TYW1B: variants seen among roughly 807,000 people sequenced by gnomAD.
TYW1B encodes the protein S-adenosyl-L-methionine-dependent tRNA 4-demethylwyosine synthase TYW1B.
In TYW1B, 73 loss-of-function variants were observed where a neutral mutation model predicts 86.9. The ratio of observed to expected loss-of-function variants is 0.84; its 90% CI spans 0.70 to 1.02. The LOEUF (loss-of-function observed/expected upper bound fraction) is 1.02, where lower values mean the gene tolerates loss of function less well. TYW1B is among the 50% of genes least tolerant of loss of function. TYW1B has a pLI of 0.00. For synonymous variants in TYW1B, 248 were observed against 292.8 expected (o/e 0.85, Z 1.56); for missense variants, 637 against 827.4 (o/e 0.77, Z 2.82).
intron 3 of TYW1B, among the ~76,000 whole-genome samples, chr7:72,813,091 A>T (rs1445710958): frequency 1.3e-5 from 2 of 151,618 alleles, no homozygotes; most frequent in African/African-American, 4.8e-5. Flanking sequence ...AAAACTGAGT[A>T]GCTGCCCAGC....
At chr7:72,590,561 A>G (rs1462036394) in intron 13 of TYW1B, among the ~76,000 whole-genome samples, 6 of 152,212 alleles carry the variant, frequency 3.9e-5, no homozygotes, top group Non-Finnish European at 7.3e-5. Flanking sequence ...TAGGGAAATT[A>G]TAGTTACCAT....
chr7:72,627,394 G>A (rs1195048799), intron 12 of TYW1B, among the ~76,000 whole-genome samples: 3 of 151,912 alleles, frequency 2.0e-5, no homozygotes, highest in Non-Finnish European at 4.4e-5. Flanking sequence ...GTTTCAGTGA[G>A]CCGAGATCAC....
At chr7:72,592,976 T>C (rs535389210) in intron 13 of TYW1B, among the ~76,000 whole-genome samples, 2 of 152,296 alleles carry the variant, frequency 1.3e-5, no homozygotes, top group African/African-American at 2.4e-5. Context: ...TTCTTTTTCA[T>C]AGATACAACA....
At chr7:72,706,949 T>C (rs1162010394) in intron 10 of TYW1B, among the ~76,000 whole-genome samples, 5 of 152,166 alleles carry the variant, frequency 3.3e-5, no homozygotes, top group African/African-American at 7.2e-5. Flanking sequence ...AGAAAATGGA[T>C]TGCATATCAT....
intron 8 of TYW1B, among the ~76,000 whole-genome samples, chr7:72,733,347 A>G (rs537393563): frequency 6.6e-6 from 1 of 152,354 alleles, no homozygotes; most frequent in African/African-American, 2.4e-5. Context: ...GCATGCCAAT[A>G]TCCCCGATGA....
intron 11 of TYW1B, among the ~76,000 whole-genome samples, chr7:72,682,071 T>C (rs1188754173): frequency 6.6e-6 from 1 of 151,712 alleles, no homozygotes; most frequent in Non-Finnish European, 1.5e-5. Flanking sequence ...AGAGATGGGG[T>C]TTCACTGTGT....
At chr7:72,816,961 G>A (rs556520571) in intron 2 of TYW1B, among the ~76,000 whole-genome samples, 27 of 152,232 alleles carry the variant, frequency 1.8e-4, no homozygotes, top group African/African-American at 6.0e-4. Flanking sequence ...GCAACTTCCT[G>A]AGGTCTGTGA....
At chr7:72,648,891 G>A (rs1459765645) in intron 11 of TYW1B, among the ~76,000 whole-genome samples, 1 of 152,148 alleles carries the variant, frequency 6.6e-6, no homozygotes, top group Non-Finnish European at 1.5e-5. Flanking sequence ...AGCAGAATGT[G>A]AAAAAGAGGT....
intron 11 of TYW1B, among the ~76,000 whole-genome samples, chr7:72,658,659 T>C (rs1468439648): frequency 2.0e-5 from 3 of 152,338 alleles, no homozygotes; most frequent in African/African-American, 7.2e-5. Flanking sequence ...GCATGATACA[T>C]TAAAACAATA....
intron 2 of TYW1B, among the ~76,000 whole-genome samples, chr7:72,825,552 C>CACCT (rs782698295): frequency 2.9e-4 from 44 of 152,264 alleles, no homozygotes; most frequent in Non-Finnish European, 4.7e-4. Context: ...TGGTAGCAGG[C>CACCT]ACCTATAATC....
At chr7:72,748,741 T>C (rs1422425448) in intron 7 of TYW1B, among the ~76,000 whole-genome samples, 6 of 151,696 alleles carry the variant, frequency 4.0e-5, no homozygotes, top group Non-Finnish European at 2.9e-5. Flanking sequence ...ATTGCTTTGG[T>C]TTTTAAATGT....
At chr7:72,799,151 C>CTTTTT (rs1309407026) in intron 6 of TYW1B, among the ~76,000 whole-genome samples, 1 of 58,556 alleles carries the variant, frequency 1.7e-5, no homozygotes, top group Non-Finnish European at 3.1e-5. Flanking sequence ...CCGGGTCTGC[C>CTTTTT]TTTTTTTTTT....
At chr7:72,820,119 G>A (rs1554480177) in intron 2 of TYW1B, among the ~76,000 whole-genome samples, 1 of 151,950 alleles carries the variant, frequency 6.6e-6, no homozygotes, top group Non-Finnish European at 1.5e-5. Flanking sequence ...TACTAAAAAT[G>A]CAAAAATTAG....
At chr7:72,656,869 G>A (rs1215721616) in intron 11 of TYW1B, among the ~76,000 whole-genome samples, 2 of 152,036 alleles carry the variant, frequency 1.3e-5, no homozygotes, top group South Asian at 2.1e-4. Flanking sequence ...GAACTCACTC[G>A]CTATCACAAG....
chr7:72,721,279 G>A (rs1786896626), intron 9 of TYW1B, among the ~76,000 whole-genome samples: 1 of 152,140 alleles, frequency 6.6e-6, no homozygotes, highest in East Asian at 1.9e-4. Context: ...GGATGGCTGG[G>A]TCAAATGGTA....
intron 6 of TYW1B, among the ~76,000 whole-genome samples, chr7:72,785,143 T>C (rs1258281710): frequency 1.3e-5 from 2 of 151,914 alleles, no homozygotes; most frequent in Non-Finnish European, 2.9e-5. Context: ...CTCTCATACT[T>C]CAAATTATCT....
chr7:72,640,835 A>T (rs1236318133), intron 11 of TYW1B, among the ~76,000 whole-genome samples: 1 of 152,146 alleles, frequency 6.6e-6, no homozygotes, highest in Non-Finnish European at 1.5e-5. Flanking sequence ...AGAACATATG[A>T]ACGACATGAT....
intron 13 of TYW1B, among the ~76,000 whole-genome samples, chr7:72,601,081 C>T (rs1299097513): frequency 1.3e-5 from 2 of 151,486 alleles, no homozygotes; most frequent in Admixed American, 6.6e-5. Flanking sequence ...CGTTTGAACC[C>T]AGTGAGCTGA....
intron 6 of TYW1B, among the ~76,000 whole-genome samples, chr7:72,793,985 C>T (rs371685908): frequency 1.3e-5 from 2 of 152,230 alleles, no homozygotes; most frequent in East Asian, 1.9e-4. Flanking sequence ...CTGTATCCCC[C>T]GCCCTCAGAG....
Sources: gnomAD v4.1 joint callset for allele counts (sites outside exome capture counted in the v4.1 genomes callset) on GRCh38, gnomAD v4.1.1 for gene constraint, MANE v1.5 for transcripts, NCBI Gene and HGNC (gene_info 2026-07-23, HGNC 2026-07-21) for gene names.